FGGY: variants seen among roughly 807,000 people sequenced by gnomAD.
FGGY encodes FGGY carbohydrate kinase domain containing.
Under a neutral mutation model 71.3 loss-of-function variants are expected in FGGY, and 72 were observed. The ratio of observed to expected loss-of-function variants is 1.01; its 90% CI spans 0.84 to 1.23. The LOEUF (loss-of-function observed/expected upper bound fraction) is 1.23, where lower values mean the gene tolerates loss of function less well. Among genes scored for constraint, FGGY ranks in the 50% most tolerant of loss-of-function variants. The probability of loss-of-function intolerance (pLI) is 0.00; values close to 1 mark genes in which losing one functional copy is unlikely to be tolerated. For synonymous variants in FGGY, 251 were observed against 250.3 expected, an observed-to-expected ratio of 1.00 and a Z score of -0.02; for missense variants, 668 against 682.3, an observed-to-expected ratio of 0.98 and a Z score of 0.23.
At chr1:59,405,944 A>G (rs2062670048) in intron 5 of FGGY, among the ~76,000 whole-genome samples, 1 of 149,766 alleles carries the variant, frequency 6.7e-6, no homozygotes, top group South Asian at 2.1e-4. Context: ...TTGAAATCTG[A>G]TATTTAGAGT....
chr1:59,430,877 A>G lies in FGGY; in HGVS notation c.555-26084A>G, dbSNP rs1199296688. Among the ~76,000 whole-genome samples the G allele has an allele frequency of 2.0e-5, 3 of 152,184 alleles. No homozygotes were observed. In the East Asian group the frequency reaches 5.8e-4, roughly 29 times the overall value. On this transcript the variant is annotated intron_variant, in intron 5 of 15. Coordinates refer to ENST00000303721, the MANE Select transcript of FGGY (RefSeq NM_018291.5). ...GGCACACTTTTCATTGGGTAGCCCT[A>G]CCTGCTGACCCATAGACACCCTAGG...
chr1:59,329,880 G>A (rs1309962417), intron 2 of FGGY, among the ~76,000 whole-genome samples: 7 of 152,148 alleles, frequency 4.6e-5, no homozygotes, highest in African/African-American at 1.7e-4. Flanking sequence ...GCCACATGGT[G>A]GCTATTATAC....
intron 8 of FGGY, among the ~76,000 whole-genome samples, chr1:59,558,130 T>C (rs1474659905): frequency 6.6e-6 from 1 of 152,222 alleles, no homozygotes; most frequent in Non-Finnish European, 1.5e-5. Flanking sequence ...TGATAGTATT[T>C]ACCCATAAAG....
intron 14 of FGGY, among the ~76,000 whole-genome samples, chr1:59,724,653 G>GT (rs1558915192): frequency 6.6e-6 from 1 of 151,828 alleles, no homozygotes; most frequent in South Asian, 2.1e-4. Context: ...GGCATTGTTC[G>GT]TTTTTTTATT....
At chr1:59,358,465 G>C (rs1469753339) in intron 4 of FGGY, among the ~76,000 whole-genome samples, 8 of 152,174 alleles carry the variant, frequency 5.3e-5, no homozygotes, top group Middle Eastern at 3.4e-3. Context: ...CCAAGAGCGA[G>C]AGGCTGTGAA....
chr1:59,758,942 A>G lies in FGGY; in HGVS notation c.1574+950A>G, dbSNP rs566181992. 8.3e-4 allele frequency among the ~76,000 whole-genome samples: 126 copies of G among 152,284 alleles called. 1 individual carries two copies. The highest frequency in any genetic ancestry group is 2.9e-3 in the African/African-American group (122 of 41,564). On this transcript the variant is annotated intron_variant, in intron 15 of 15. Coordinates refer to ENST00000303721, the MANE Select transcript of FGGY (RefSeq NM_018291.5). ...AGTGGTGAGATCTGGTCAGATGCAG[A>G]TCAGAAAAATCCCTCTTAAAGGATC...
chr1:59,422,293 G>A (rs1389854515), intron 5 of FGGY, among the ~76,000 whole-genome samples: 1 of 152,222 alleles, frequency 6.6e-6, no homozygotes, highest in South Asian at 2.1e-4. Flanking sequence ...CCTTTTAATA[G>A]ATTCAGTTGC....
At chr1:59,715,661 C>T (rs2097840919) in intron 14 of FGGY, among the ~76,000 whole-genome samples, 1 of 152,128 alleles carries the variant, frequency 6.6e-6, no homozygotes, top group South Asian at 2.1e-4. Context: ...AGTTTGCTTC[C>T]CGGTAAAGGG....
intron 11 of FGGY, among the ~76,000 whole-genome samples, chr1:59,653,287 C>G (rs907155535): frequency 8.5e-5 from 13 of 152,376 alleles, no homozygotes; most frequent in South Asian, 8.3e-4. Context: ...CCACCCAGTT[C>G]GAGCTTTTGG....
At chr1:59,590,591 T>G (rs920072741) in intron 8 of FGGY, among the ~76,000 whole-genome samples, 1 of 152,150 alleles carries the variant, frequency 6.6e-6, no homozygotes, top group Admixed American at 6.5e-5. Flanking sequence ...TTATCCACCA[T>G]GATCAAGTGG....
intron 12 of FGGY, among the ~76,000 whole-genome samples, chr1:59,663,343 TG>T (rs2097295148): frequency 6.6e-6 from 1 of 152,234 alleles, no homozygotes; most frequent in Non-Finnish European, 1.5e-5. Flanking sequence ...AAAAGCTACA[TG>T]GGTGAAATAA....
In FGGY at chr1:59,458,371, G is replaced by A. The variant is rs149334944; in HGVS notation, c.670+1295G>A. Among the ~76,000 whole-genome samples the A allele has an allele frequency of 3.3e-3, 508 of 152,210 alleles. 1 individual carries two copies. The highest frequency in any genetic ancestry group is 0.012 in the African/African-American group (488 of 41,524). On this transcript the variant is annotated intron_variant, in intron 6 of 15. Transcript: ENST00000303721. ...AGGCATGGCATATTTTCATATCTCA[G>A]TGACTTTTTGATTAAAATATTGAGA...
intron 9 of FGGY, among the ~76,000 whole-genome samples, chr1:59,617,552 T>C (rs1045663764): frequency 2.0e-5 from 3 of 152,060 alleles, no homozygotes; most frequent in South Asian, 2.1e-4. Context: ...TCAAGGCCTG[T>C]CTCATGCTTG....
chr1:59,686,960 T>C (rs375233893), intron 14 of FGGY, among the ~76,000 whole-genome samples: 4 of 152,256 alleles, frequency 2.6e-5, no homozygotes, highest in African/African-American at 9.6e-5. Flanking sequence ...ATTATAGCAA[T>C]ATTTATGATG....
At chr1:59,694,713 A>T (rs1200372877) in intron 14 of FGGY, among the ~76,000 whole-genome samples, 5 of 147,262 alleles carry the variant, frequency 3.4e-5, no homozygotes, top group Admixed American at 1.4e-4. Flanking sequence ...TTTTAAAGAG[A>T]TGGGGTCTCA....
chr1:59,661,203 T>C (rs887399730), intron 12 of FGGY, among the ~76,000 whole-genome samples: 2 of 152,252 alleles, frequency 1.3e-5, no homozygotes, highest in African/African-American at 4.8e-5. Context: ...TTCACACAAC[T>C]GTTTTCATAA....
chr1:59,335,236 C>A (rs2049248718), intron 2 of FGGY, among the ~76,000 whole-genome samples: 1 of 152,146 alleles, frequency 6.6e-6, no homozygotes, highest in South Asian at 2.1e-4. Flanking sequence ...AACCCCAAGC[C>A]CCAGTCAGAG....
At chr1:59,355,145 C>G (rs1570888496) in intron 4 of FGGY, among the ~76,000 whole-genome samples, 1 of 152,024 alleles carries the variant, frequency 6.6e-6, no homozygotes, top group East Asian at 1.9e-4. Context: ...TGTTTTATGA[C>G]CTTAAAAAAA....
chr1:59,597,459 C>G (rs2096535220), intron 8 of FGGY, among the ~76,000 whole-genome samples: 1 of 152,098 alleles, frequency 6.6e-6, no homozygotes, highest in African/African-American at 2.4e-5. Context: ...CCATTATAAC[C>G]TCTGTACCCT....
Sources: gnomAD v4.1 joint callset for allele counts (sites outside exome capture counted in the v4.1 genomes callset) on GRCh38, gnomAD v4.1.1 for gene constraint, MANE v1.5 for transcripts, NCBI Gene and HGNC (gene_info 2026-07-23, HGNC 2026-07-21) for gene names.